Variants in CTNND2 observed in about 807,000 individuals in gnomAD.
The protein encoded by CTNND2 is catenin delta 2, also known as catenin delta-2.
A neutral mutation model predicts 144.4 loss-of-function variants in CTNND2; 22 were observed. The observed-to-expected ratio is 0.15, with a 90% CI of 0.11 to 0.22. CTNND2 has a LOEUF of 0.22. Ranked by LOEUF, CTNND2 falls within the 10% of genes least tolerant of loss-of-function variation. The pLI is 1.00. For synonymous variants in CTNND2, 751 were observed against 695.6 expected (o/e 1.08, Z -1.25); for missense variants, 1,353 against 1,618.8 (o/e 0.84, Z 2.82).
chr5:11,495,387 A>T (rs1769836560), intron 3 of CTNND2, among the ~76,000 whole-genome samples: 1 of 152,178 alleles, frequency 6.6e-6, no homozygotes, highest in Non-Finnish European at 1.5e-5. Context: ...TAAAATAATT[A>T]TTTATTCAAA....
chr5:11,134,161 T>G (rs981695802), intron 12 of CTNND2, among the ~76,000 whole-genome samples: 3 of 151,820 alleles, frequency 2.0e-5, no homozygotes, highest in African/African-American at 7.3e-5. Flanking sequence ...AAGATAGAGG[T>G]AGTGGGGCTA....
intron 18 of CTNND2, 142 bp from the exon 19 acceptor site, chr5:10,992,819 T>A: frequency 8.6e-7 from 1 of 1,169,246 alleles, no homozygotes; most frequent in Non-Finnish European, 1.2e-6. Context: ...TGCGCTCTCA[T>A]GGAGGTGAAC....
intron 9 of CTNND2, among the ~76,000 whole-genome samples, chr5:11,284,121 C>T (rs779610082): frequency 5.3e-4 from 80 of 152,194 alleles, no homozygotes; most frequent in Middle Eastern, 6.8e-3. Context: ...GGTTCTGAGC[C>T]GCATCAGGTG....
In CTNND2 at chr5:11,858,785, T is replaced by C. The variant is rs192138845; in HGVS notation, c.37+45032A>G. Among the ~76,000 whole-genome samples the C allele has an allele frequency of 3.6e-3, 554 of 152,110 alleles. 3 individuals are homozygous for C. Among genetic ancestry groups the C allele is most frequent in the African/African-American group, 0.013 (523 of 41,508 alleles). On this transcript the variant is annotated intron_variant, in intron 1 of 21. Transcript: ENST00000304623. Reference sequence around the variant, plus strand: ...TCTACTAAAAATACAAAAAATTAGCTGGGCATGGTGGCGGGTGCCTGTAGC... The same window carrying C: ...TCTACTAAAAATACAAAAAATTAGCCGGGCATGGTGGCGGGTGCCTGTAGC...
At chr5:11,153,964 TA>T (rs1412415148) in intron 12 of CTNND2, among the ~76,000 whole-genome samples, 1 of 151,276 alleles carries the variant, frequency 6.6e-6, no homozygotes, top group East Asian at 1.9e-4. Flanking sequence ...GATTAAAAGG[TA>T]AAAAAGTATG....
intron 12 of CTNND2, among the ~76,000 whole-genome samples, chr5:11,134,811 A>G (rs1755970028): frequency 6.6e-6 from 1 of 152,238 alleles, no homozygotes; most frequent in African/African-American, 2.4e-5. Context: ...ATATGAGTGT[A>G]GGATAATGGC....
At chr5:11,539,209 T>C (rs1407212814) in intron 3 of CTNND2, among the ~76,000 whole-genome samples, 1 of 152,124 alleles carries the variant, frequency 6.6e-6, no homozygotes, top group East Asian at 1.9e-4. Flanking sequence ...AAATGCCAAG[T>C]CAAGAGCGTT....
intron 3 of CTNND2, among the ~76,000 whole-genome samples, chr5:11,528,454 G>C (rs1023703603): frequency 6.6e-6 from 1 of 152,170 alleles, no homozygotes; most frequent in Non-Finnish European, 1.5e-5. Context: ...ATATTCAAGA[G>C]TTCGTCCTCC....
chr5:11,402,848 T>C (rs1760752420), intron 5 of CTNND2, among the ~76,000 whole-genome samples: 2 of 152,240 alleles, frequency 1.3e-5, no homozygotes, highest in South Asian at 2.1e-4. Context: ...TAATGCTTTA[T>C]GTGAAAATTA....
chr5:11,902,209 T>C (rs1236764501), intron 1 of CTNND2, among the ~76,000 whole-genome samples: 1 of 152,226 alleles, frequency 6.6e-6, no homozygotes, highest in Non-Finnish European at 1.5e-5. Context: ...ATGATGCCAC[T>C]TAACATTTTT....
chr5:11,393,221 G>C (rs1313688489), intron 6 of CTNND2, among the ~76,000 whole-genome samples: 2 of 152,168 alleles, frequency 1.3e-5, no homozygotes, highest in Non-Finnish European at 2.9e-5. Context: ...TGCTTTTCTA[G>C]AACACTTACC....
chr5:11,522,587 C>A (rs1772838104), intron 3 of CTNND2, among the ~76,000 whole-genome samples: 1 of 152,120 alleles, frequency 6.6e-6, no homozygotes, highest in South Asian at 2.1e-4. Context: ...ATTTGCTATA[C>A]CCACGCAACT....
intron 11 of CTNND2, among the ~76,000 whole-genome samples, chr5:11,197,164 T>A (rs1736943141): frequency 6.6e-6 from 1 of 152,204 alleles, no homozygotes; most frequent in Non-Finnish European, 1.5e-5. Context: ...AAGTGGCTTG[T>A]GGATTTTCTA....
At chr5:11,018,081 G>A (rs767289658) in intron 17 of CTNND2, 23 bp from the exon 18 acceptor site, 104 of 1,548,776 alleles carry the variant, frequency 6.7e-5, no homozygotes, top group Non-Finnish European at 9.0e-5. Context: ...AGACAGGAAA[G>A]GCAAGATGTG....
At position 11,311,364 on chromosome 5, in the gene CTNND2, T is replaced by C. The variant is rs796688758; in HGVS notation, c.1628+35008A>G. ...TCCCCATACACCCTCAACCCACATGTACATATACTCTAACATTCTCTCCAT... is the reference window on the plus strand; with the variant it reads ...TCCCCATACACCCTCAACCCACATGCACATATACTCTAACATTCTCTCCAT... On this transcript the variant is annotated intron_variant, in intron 9 of 21. Coordinates refer to ENST00000304623, the MANE Select transcript of CTNND2 (RefSeq NM_001332.4). Among the ~76,000 whole-genome samples the C allele has an allele frequency of 2.1e-3, 260 of 122,582 alleles. 5 individuals are homozygous for C. The highest frequency in any genetic ancestry group is 3.6e-3 in the Non-Finnish European group (207 of 58,116). 80.4% of individuals were successfully genotyped at this position (122,582 alleles called of 152,430 possible). A position where few individuals can be genotyped will look rare whatever the true frequency, so the allele number is the denominator to read the frequency against.
chr5:11,668,815 G>A (rs1202250509), intron 2 of CTNND2, among the ~76,000 whole-genome samples: 13 of 152,146 alleles, frequency 8.5e-5, no homozygotes, highest in Admixed American at 6.5e-4. Flanking sequence ...AACAGGAATG[G>A]TAAGAGATGA....
At chr5:11,889,422 T>G (rs1240346045) in intron 1 of CTNND2, among the ~76,000 whole-genome samples, 1 of 152,232 alleles carries the variant, frequency 6.6e-6, no homozygotes, top group Non-Finnish European at 1.5e-5. Flanking sequence ...CAACTCATTC[T>G]AAATTAGTGT....
chr5:11,514,402 T>C (rs191687739), intron 3 of CTNND2, among the ~76,000 whole-genome samples: 1 of 152,314 alleles, frequency 6.6e-6, no homozygotes, highest in African/African-American at 2.4e-5. Context: ...TTATGTTCTT[T>C]TCCTGACAGC....
chr5:11,363,193 T>A (rs1756639715), intron 8 of CTNND2, among the ~76,000 whole-genome samples: 2 of 152,214 alleles, frequency 1.3e-5, no homozygotes, highest in South Asian at 4.1e-4. Flanking sequence ...TTTCTTTTTT[T>A]AAGTATGGAT....
Sources: allele counts gnomAD v4.1 joint callset (sites outside exome capture counted in the v4.1 genomes callset), GRCh38; gene constraint gnomAD v4.1.1; transcripts MANE v1.5; gene names NCBI Gene and HGNC (gene_info 2026-07-23, HGNC 2026-07-21).